PCDHGA6: variants seen among roughly 807,000 people sequenced by gnomAD.
PCDHGA6 encodes the protein protocadherin gamma subfamily A, 6.
Under a neutral mutation model 60.6 loss-of-function variants are expected in PCDHGA6, and 41 were observed. That is an observed-to-expected ratio of 0.68 (90% CI 0.53 to 0.88). The LOEUF is 0.88. PCDHGA6 is among the 40% of genes least tolerant of loss of function. PCDHGA6 has a pLI of 0.00. For missense variants in PCDHGA6, 1,312 were observed against 1,203.0 expected, an observed-to-expected ratio of 1.09 and a Z score of -1.34; for synonymous variants, 594 against 524.4, an observed-to-expected ratio of 1.13 and a Z score of -1.81.
rs1040753474 is a variant in PCDHGA6 at position 141,511,446 on chromosome 5, G to T, written c.*273G>T. 3.1e-6 allele frequency: 2 copies of T among 654,526 alleles called. No individual in the cohort carries two copies. The highest frequency in any genetic ancestry group is 3.7e-5 in the African/African-American group (2 of 54,758). 40.5% of individuals were successfully genotyped at this position (654,526 alleles called of 1,614,324 possible). A position where few individuals can be genotyped will look rare whatever the true frequency, so the allele number is the denominator to read the frequency against. ...GTAGTGGGGTTACTGTAGACACCAA[G>T]AACCATTTGCCACACCCCGTTTAGT... On this transcript the variant is annotated 3_prime_UTR_variant, in exon 4 of 4. Transcript: ENST00000517434.
At chr5:141,427,966 T>C (rs1458559803) in intron 1 of PCDHGA6, 10 of 1,590,764 alleles carry the variant, frequency 6.3e-6, no homozygotes, top group African/African-American at 1.3e-5. Flanking sequence ...CCGCGGGTGC[T>C]GTACCCCGCG....
rs1327490895 is a variant in PCDHGA6, at chr5:141,487,672, G to A, written c.2425-7135G>A. The stretch of plus-strand genomic sequence containing the variant: ...AGGGTTATTCTGATCCAGGCATATG[G>A]CTAGGCCATGTCCTAGAGAGTACTG... On this transcript the variant is annotated intron_variant, in intron 1 of 3. Coordinates refer to ENST00000517434, the MANE Select transcript of PCDHGA6 (RefSeq NM_018919.3). This position sits in a 1 kb window ranked among gnomAD's most constrained non-coding sequence, Gnocchi z 5.0. 6.2e-7 allele frequency: 1 copy of A among 1,611,484 alleles called. No individual in the cohort carries two copies. Among genetic ancestry groups the A allele is most frequent in the Non-Finnish European group, 8.5e-7 (1 of 1,178,612 alleles).
intron 1 of PCDHGA6, chr5:141,409,027 TGA>T: frequency 1.9e-6 from 3 of 1,613,978 alleles, no homozygotes; most frequent in Non-Finnish European, 2.5e-6. Context: ...GGGTCAATGC[TGA>T]GATAAACTAC....
chr5:141,418,946 G>T (rs2096305161), intron 1 of PCDHGA6: 1 of 1,613,900 alleles, frequency 6.2e-7, no homozygotes, highest in African/African-American at 1.3e-5. Context: ...TTCCCCTCCA[G>T]GAGTGGTTGT....
intron 1 of PCDHGA6, chr5:141,389,726 C>A: frequency 6.2e-7 from 1 of 1,612,720 alleles, no homozygotes; most frequent in South Asian, 1.1e-5. Flanking sequence ...AGCCCGGGCT[C>A]TTCAGCCTGG....
In PCDHGA6 at chr5:141,395,340, G is replaced by C. The variant is rs529007241; in HGVS notation, c.2424+18833G>C. 3 of 1,419,480 alleles carry C rather than the reference G, an allele frequency of 2.1e-6. No individual in the cohort carries two copies. In the African/African-American group the frequency reaches 4.3e-5, roughly 20 times the overall value. The allele number at this position is 1,419,480 out of a possible 1,614,324, so 87.9% of individuals were successfully genotyped here. On this transcript the variant is annotated intron_variant, in intron 1 of 3. Transcript: ENST00000517434. ...GAAGATAGTTGAAAATAATTTTTAA[G>C]GTGTATCACAGAGTTTTGGGTTTAT...
intron 1 of PCDHGA6, among the ~76,000 whole-genome samples, chr5:141,380,946 CAAG>C (rs1776880026): frequency 6.6e-6 from 1 of 152,210 alleles, no homozygotes; most frequent in African/African-American, 2.4e-5. Flanking sequence ...CTTGCCTCAA[CAAG>C]AAGTTCAAAA....
At chr5:141,500,184 TTTTATTTATTTA>T (rs58019021) in intron 2 of PCDHGA6, among the ~76,000 whole-genome samples, 197 of 135,960 alleles carry the variant, frequency 1.4e-3, no homozygotes, top group African/African-American at 3.6e-3. Context: ...TCATTTTTAT[TTTTATTTATTTA>T]TTTATTTATT....
chr5:141,497,740 C>T (rs954595046), intron 2 of PCDHGA6, among the ~76,000 whole-genome samples: 1 of 152,054 alleles, frequency 6.6e-6, no homozygotes, highest in South Asian at 2.1e-4. Context: ...GGTTTCGCCA[C>T]GTTGGCCAGG....
At chr5:141,410,849 C>CTTGTTTTTTTTTTTTTTT (rs2095431880) in intron 1 of PCDHGA6, 1 of 129,786 alleles carries the variant, frequency 7.7e-6, no homozygotes, top group African/African-American at 6.0e-5. Context: ...TTGTCTTTGT[C>CTTGTTTTTTTTTTTTTTT]TTTTTTTTTT....
rs554670088 is a variant in PCDHGA6 at position 141,391,069 on chromosome 5, T to C, written c.2424+14562T>C. The C allele has an allele frequency of 4.1e-4, 63 of 152,324 alleles. 1 individual carries two copies. Among genetic ancestry groups the C allele is most frequent in the African/African-American group, 1.4e-3 (59 of 41,576 alleles). The allele number at this position is 152,324 out of a possible 1,614,324, so 9.4% of individuals were successfully genotyped here. A position where few individuals can be genotyped will look rare whatever the true frequency, so the allele number is the denominator to read the frequency against. ...GTCCCTCTCACACACAGCCCTAATA[T>C]ATAATGTGTAACTGCCTTATCTGCA... On this transcript the variant is annotated intron_variant, in intron 1 of 3. Transcript: ENST00000517434.
intron 1 of PCDHGA6, among the ~76,000 whole-genome samples, chr5:141,472,555 A>T (rs1360460094): frequency 6.6e-6 from 1 of 152,024 alleles, no homozygotes; most frequent in South Asian, 2.1e-4. Flanking sequence ...AAAAAAAATT[A>T]TATTATAAAT....
rs2099670287 is a variant in PCDHGA6, at chr5:141,487,983, TC to T, written c.2425-6822del. Among the ~76,000 whole-genome samples, 3 of 152,290 alleles carry T rather than the reference TC, an allele frequency of 2.0e-5. No individual in the cohort carries two copies. The South Asian group carries it at 6.2e-4, about 32-fold the overall frequency. ...CAAAGGTGGCTGTTTTCTCTACTCT[TC>T]CTGAAAGAGGGGATCAGATTCTGAA... On this transcript the variant is annotated intron_variant, in intron 1 of 3. Coordinates refer to ENST00000517434, the MANE Select transcript of PCDHGA6 (RefSeq NM_018919.3). This position sits in a 1 kb window ranked among gnomAD's most constrained non-coding sequence, Gnocchi z 5.0.
At chr5:141,474,722 C>G (rs1562046141) in intron 1 of PCDHGA6, among the ~76,000 whole-genome samples, 1 of 152,216 alleles carries the variant, frequency 6.6e-6, no homozygotes, top group Non-Finnish European at 1.5e-5. Flanking sequence ...TTCAAAAGGA[C>G]TCTATGCAAT....
rs531964516 is a variant in PCDHGA6, at chr5:141,375,494, A to G, written c.1411A>G (p.Ile471Val). The G allele has an allele frequency of 6.2e-7, 1 of 1,613,834 alleles. No individual in the cohort carries two copies. The highest frequency in any genetic ancestry group is 8.5e-7 in the Non-Finnish European group (1 of 1,179,940). Residue 471 changes from isoleucine (I) to valine (V), a missense_variant, in exon 1 of 4, where the codon ATC becomes GTC. By Grantham distance (29) the Ile-to-Val change is conservative. Transcript: ENST00000517434. ...TGAAAACAACCCCAGGGGTGCCTCC[A>G]TCTTCTCTGTGAATGCACTGGACCC... ...VLENNPRGAS[I>V]FSVNALDPDV...
intron 1 of PCDHGA6, chr5:141,478,144 G>A (rs2099432883): frequency 6.2e-7 from 1 of 1,613,918 alleles, no homozygotes; most frequent in Non-Finnish European, 8.5e-7. Flanking sequence ...CCCGAGCCGA[G>A]TTCCCCTCTG....
In PCDHGA6 at chr5:141,511,402, A is replaced by C; in HGVS notation, c.*229A>C. On this transcript the variant is annotated 3_prime_UTR_variant, in exon 4 of 4. Transcript: ENST00000517434. Reference sequence around the variant, plus strand: ...TTCCGCTGGGAACCCCCATCCAATCAACTGCTGTACCCATGGGGGTAGTGG... The same window carrying C: ...TTCCGCTGGGAACCCCCATCCAATCCACTGCTGTACCCATGGGGGTAGTGG... The C allele has an allele frequency of 1.0e-6, 1 of 969,684 alleles. No individual in the cohort carries two copies. 60.1% of individuals were successfully genotyped at this position (969,684 alleles called of 1,614,324 possible).
intron 1 of PCDHGA6, chr5:141,416,489 G>A (rs2096031582): frequency 1.3e-5 from 2 of 152,158 alleles, no homozygotes; most frequent in Admixed American, 1.3e-4. Context: ...GAGAACAGGA[G>A]CAAGAGATAT....
chr5:141,494,449 G>A (rs185095384), intron 1 of PCDHGA6, among the ~76,000 whole-genome samples: 2 of 152,254 alleles, frequency 1.3e-5, no homozygotes, highest in East Asian at 3.9e-4. Flanking sequence ...CACTTTAGGG[G>A]GCTTTGTCTG....
Sources: gnomAD v4.1 joint callset for allele counts (sites outside exome capture counted in the v4.1 genomes callset) on GRCh38, gnomAD v4.1.1 for gene constraint, Gnocchi (gnomAD v3.1) non-coding constraint, MANE v1.5 for transcripts, NCBI Gene and HGNC (gene_info 2026-07-23, HGNC 2026-07-21) for gene names.